Variants in ARHGAP18 observed in about 807,000 individuals in gnomAD.
The protein encoded by ARHGAP18 is rho GTPase-activating protein 18.
In ARHGAP18, 67 loss-of-function variants were observed where a neutral mutation model predicts 86.2. The ratio of observed to expected loss-of-function variants is 0.78; its 90% CI spans 0.64 to 0.95. The LOEUF (loss-of-function observed/expected upper bound fraction) is 0.95, where lower values mean the gene tolerates loss of function less well. Among genes scored for constraint, ARHGAP18 ranks in the 40% least tolerant of loss-of-function variants. The probability of loss-of-function intolerance (pLI) is 0.00; values close to 1 mark genes in which losing one functional copy is unlikely to be tolerated. For synonymous variants in ARHGAP18, 283 were observed against 280.4 expected (o/e 1.01, Z -0.09); for missense variants, 691 against 780.4 (o/e 0.89, Z 1.37).
intron 1 of ARHGAP18, among the ~76,000 whole-genome samples, chr6:129,669,073 T>C (rs1045294054): frequency 1.3e-5 from 2 of 152,114 alleles, no homozygotes; most frequent in African/African-American, 4.8e-5. Flanking sequence ...TTACGCGGTG[T>C]CTGTAGGACA....
chr6:129,695,060 T>C (rs1049164616), intron 1 of ARHGAP18, among the ~76,000 whole-genome samples: 15 of 152,058 alleles, frequency 9.9e-5, no homozygotes, highest in African/African-American at 3.4e-4. Flanking sequence ...TTTCTACATA[T>C]AAAGCGACAG....
At chr6:129,631,621 T>C (rs1773212917) in intron 4 of ARHGAP18, among the ~76,000 whole-genome samples, 1 of 152,138 alleles carries the variant, frequency 6.6e-6, no homozygotes, top group Non-Finnish European at 1.5e-5. Context: ...TGTCATCTAG[T>C]CTCTTTTTAA....
intron 3 of ARHGAP18, 142 bp downstream of exon 3, chr6:129,638,252 T>C: frequency 1.2e-6 from 1 of 815,360 alleles, no homozygotes; most frequent in Non-Finnish European, 1.9e-6. Context: ...CAAGTCTCTC[T>C]TGTTTCCTGC....
chr6:129,666,348 C>A (rs1774035941), intron 1 of ARHGAP18, among the ~76,000 whole-genome samples: 1 of 152,248 alleles, frequency 6.6e-6, no homozygotes, highest in South Asian at 2.1e-4. Flanking sequence ...CTAGCCACAC[C>A]ACTAATGCAA....
At chr6:129,583,507 C>T (rs74605779) in intron 13 of ARHGAP18, among the ~76,000 whole-genome samples, 3,584 of 152,230 alleles carry the variant, frequency 0.024, 74 homozygotes, top group African/African-American at 0.051. Context: ...CGCTCAAAGG[C>T]CTGGTTTTCC....
At position 129,578,580 on chromosome 6, in the gene ARHGAP18, G is replaced by A. The variant is rs1487440320; in HGVS notation, c.1925C>T (p.Thr642Ile). The change falls in exon 15 of 15, where the codon ACT becomes ATT. Residue 642 changes from threonine (T) to isoleucine (I), a missense_variant. By Grantham distance (89) the Thr-to-Ile change is moderately conservative (BLOSUM62 -1). Transcript: ENST00000368149. ...NIGERCLDDD[T>I]YMKDLYQLNP... ...AAGCTGATATAAATCCTTCATGTAA[G>A]TGTCATCATCAAGGCAGCGTTCCCC... 3 of 1,611,472 alleles carry A rather than the reference G, an allele frequency of 1.9e-6. No individual in the cohort carries two copies. The highest frequency in any genetic ancestry group is 1.3e-5 in the African/African-American group (1 of 74,952).
intron 1 of ARHGAP18, among the ~76,000 whole-genome samples, chr6:129,644,263 C>A (rs1033543385): frequency 6.6e-6 from 1 of 152,194 alleles, no homozygotes; most frequent in Non-Finnish European, 1.5e-5. Flanking sequence ...CTGTATTCCA[C>A]CTGGGTCCCC....
At chr6:129,657,578 G>A (rs1005506946) in intron 1 of ARHGAP18, among the ~76,000 whole-genome samples, 2 of 152,092 alleles carry the variant, frequency 1.3e-5, no homozygotes, top group Non-Finnish European at 2.9e-5. Context: ...TTCAAACACA[G>A]GGCAACCATC....
chr6:129,632,654 C>A (rs1056318953), intron 4 of ARHGAP18, among the ~76,000 whole-genome samples: 1 of 152,082 alleles, frequency 6.6e-6, no homozygotes, highest in African/African-American at 2.4e-5. Context: ...GAGAAAACAC[C>A]TAGTGATTTC....
chr6:129,697,896 AACAGGCAC>A (rs1024304812), intron 1 of ARHGAP18, among the ~76,000 whole-genome samples: 1 of 152,264 alleles, frequency 6.6e-6, no homozygotes, highest in Non-Finnish European at 1.5e-5. Flanking sequence ...AATGAGAAAT[AACAGGCAC>A]ACACTTAGTA....
chr6:129,626,105 C>CACACACACATAT (rs1425322925), intron 5 of ARHGAP18, among the ~76,000 whole-genome samples: 7,765 of 123,962 alleles, frequency 0.063, 300 homozygotes, highest in Non-Finnish European at 0.08. Flanking sequence ...CACACACACA[C>CACACACACATAT]ATATATAGAA....
At chr6:129,655,185 G>A (rs899782445) in intron 1 of ARHGAP18, among the ~76,000 whole-genome samples, 1 of 151,882 alleles carries the variant, frequency 6.6e-6, no homozygotes, top group Non-Finnish European at 1.5e-5. Context: ...CAGGTGTGGT[G>A]GTGCATGCCT....
chr6:129,624,804 G>A (rs190152808), intron 5 of ARHGAP18, among the ~76,000 whole-genome samples: 9 of 150,774 alleles, frequency 6.0e-5, no homozygotes, highest in Non-Finnish European at 1.3e-4. Context: ...AATCAGCCGG[G>A]CGTGGTGGTG....
chr6:129,616,345 A>G (rs1302559658), intron 6 of ARHGAP18, 42 bp from the exon 7 acceptor site: 1 of 1,451,424 alleles, frequency 6.9e-7, no homozygotes, highest in Admixed American at 1.9e-5. Flanking sequence ...TTGTCAATCT[A>G]TAAAATATTA....
At chr6:129,635,207 T>C (rs1432778765) in intron 3 of ARHGAP18, among the ~76,000 whole-genome samples, 1 of 152,242 alleles carries the variant, frequency 6.6e-6, no homozygotes, top group Non-Finnish European at 1.5e-5. Context: ...TACTGTATTT[T>C]ATCTCAGACA....
At chr6:129,650,512 A>G (rs1225564918) in intron 1 of ARHGAP18, among the ~76,000 whole-genome samples, 3 of 152,190 alleles carry the variant, frequency 2.0e-5, no homozygotes, top group Non-Finnish European at 4.4e-5. Flanking sequence ...CTCAGGAAGC[A>G]GTTTTTCCTC....
In ARHGAP18 at chr6:129,638,608, C is replaced by T. The variant is rs1738652343; in HGVS notation, c.338G>A (p.Trp113Ter). 1 of 1,613,992 alleles carries T rather than the reference C, an allele frequency of 6.2e-7. No individual in the cohort carries two copies. ...ATTGGATAAACCGGCCTCTTTAAGC[C>T]ACTCTTCTTCCAATTCTCCCTCTAA... ...EPDEGELEEE[W>*]LKEAGLSNLF... Residue 113 changes from tryptophan (W) to a stop codon, truncating the protein, a stop_gained, in exon 3 of 15, where the codon TGG becomes TAG. Transcript: ENST00000368149. LOFTEE classifies it high-confidence loss of function.
chr6:129,614,703 G>A (rs1050034302), intron 7 of ARHGAP18, among the ~76,000 whole-genome samples: 2 of 151,350 alleles, frequency 1.3e-5, no homozygotes, highest in South Asian at 2.1e-4. Context: ...AGGCCATAGC[G>A]CCCAGGTGTT....
chr6:129,597,627 C>T (rs1009652389), intron 12 of ARHGAP18, among the ~76,000 whole-genome samples: 1 of 152,024 alleles, frequency 6.6e-6, no homozygotes, highest in African/African-American at 2.4e-5. Flanking sequence ...GGGTGAGCAC[C>T]CAGCTCCCTG....
Sources: allele counts gnomAD v4.1 joint callset (sites outside exome capture counted in the v4.1 genomes callset), GRCh38; gene constraint gnomAD v4.1.1; transcripts MANE v1.5; gene names NCBI Gene and HGNC (gene_info 2026-07-23, HGNC 2026-07-21).